Variants in NDUFAF6 observed in about 807,000 individuals in gnomAD.
The protein encoded by NDUFAF6 is NADH dehydrogenase (ubiquinone) complex I, assembly factor 6.
Under a neutral mutation model 40.8 loss-of-function variants are expected in NDUFAF6, and 45 were observed. The ratio of observed to expected loss-of-function variants is 1.10; its 90% CI spans 0.87 to 1.42. NDUFAF6 has a LOEUF of 1.42. Ranked by LOEUF, NDUFAF6 falls within the 40% of genes most tolerant of loss-of-function variation. The probability of loss-of-function intolerance (pLI) is 0.00; values close to 1 mark genes in which losing one functional copy is unlikely to be tolerated. For missense variants in NDUFAF6, 435 were observed against 418.5 expected (o/e 1.04, Z -0.34); for synonymous variants, 185 against 155.9 (o/e 1.19, Z -1.39).
At chr8:94,925,931 T>A (rs991634276) in intron 1 of NDUFAF6, 1 of 152,634 alleles carries the variant, frequency 6.6e-6, no homozygotes, top group Non-Finnish European at 1.5e-5. Context: ...GTACCTCCTT[T>A]TAATATTAAT....
At position 95,048,557 on chromosome 8, in the gene NDUFAF6, A is replaced by G. The variant is rs766008985; in HGVS notation, c.815A>G (p.His272Arg). Residue 272 changes from histidine to arginine, a missense_variant and splice_region_variant, in exon 7 of 9, where the codon CAT becomes CGT. Physicochemically the swap from His to Arg is conservative, Grantham distance 29. Coordinates refer to ENST00000396124, the MANE Select transcript of NDUFAF6 (RefSeq NM_152416.4). Reference protein sequence around the residue: ...IASQAHLHLKHARSFHKTVPV... With the variant: ...IASQAHLHLKRARSFHKTVPV... ...AGTCAAGCACACTTGCACCTAAAGC[A>G]TGTAAGTCGGCTTTTTTTTGCCAAA... 2 of 1,612,928 alleles carry G rather than the reference A, an allele frequency of 1.2e-6. No homozygotes were observed. Among genetic ancestry groups the G allele is most frequent in the South Asian group, 1.1e-5 (1 of 91,064 alleles).
intron 2 of NDUFAF6, chr8:94,984,126 A>G (rs961617154): frequency 6.6e-6 from 1 of 152,252 alleles, no homozygotes; most frequent in Non-Finnish European, 1.5e-5. Context: ...GTGCAGAAGC[A>G]GAAACCAGAG....
upstream of NDUFAF6, among the ~76,000 whole-genome samples, chr8:95,024,788 G>T (rs577204049): frequency 2.0e-5 from 3 of 152,348 alleles, no homozygotes; most frequent in East Asian, 5.8e-4. Flanking sequence ...GCCCAGGAGG[G>T]GTCGGACGGA....
rs144731528 is a variant in NDUFAF6, at chr8:94,973,316, AAAAAT to A, written c.-198-7527_-198-7523del. 7.2e-5 allele frequency among the ~76,000 whole-genome samples: 11 copies of A among 151,970 alleles called. No homozygotes were observed. The South Asian group carries it at 2.1e-3, about 29-fold the overall frequency. On this transcript the variant is annotated intron_variant, in intron 1 of 9. Transcript: ENST00000396111. The stretch of plus-strand genomic sequence containing the variant: ...GGTGACAGAGTGAGATTCTGTCTCA[AAAAAT>A]AAAATAAAATAAAATGAAAGAGACA...
chr8:94,983,441 C>T (rs1400794329), intron 2 of NDUFAF6, among the ~76,000 whole-genome samples: 1 of 151,614 alleles, frequency 6.6e-6, no homozygotes, highest in Non-Finnish European at 1.5e-5. Context: ...AATTTTTGTA[C>T]TTTTAGTAGA....
intron 1 of NDUFAF6, among the ~76,000 whole-genome samples, chr8:94,942,475 C>G (rs1200212543): frequency 6.6e-6 from 1 of 152,204 alleles, no homozygotes; most frequent in Non-Finnish European, 1.5e-5. Context: ...GTCTCTGAGA[C>G]TTTGCCAAAA....
chr8:95,063,197 T>G (rs1428855976), downstream of NDUFAF6, among the ~76,000 whole-genome samples: 2 of 152,258 alleles, frequency 1.3e-5, no homozygotes, highest in East Asian at 3.8e-4. Context: ...TTATCTACAA[T>G]GTTTCTAATT....
At chr8:95,100,848 C>T (rs1809626956) in intron 1 of NDUFAF6, among the ~76,000 whole-genome samples, 1 of 152,138 alleles carries the variant, frequency 6.6e-6, no homozygotes, top group Non-Finnish European at 1.5e-5. Context: ...GTTGGACAAA[C>T]CAAAGCTCAG....
chr8:94,931,664 AAAAGTTAATAT>A (rs1182703490), intron 1 of NDUFAF6, among the ~76,000 whole-genome samples: 1 of 152,088 alleles, frequency 6.6e-6, no homozygotes, highest in African/African-American at 2.4e-5. Flanking sequence ...ACTAATAGAA[AAAAGTTAATAT>A]AAAGAAAATT....
intron 1 of NDUFAF6, among the ~76,000 whole-genome samples, chr8:94,910,267 G>A (rs565721834): frequency 1.3e-5 from 2 of 152,058 alleles, no homozygotes; most frequent in East Asian, 1.9e-4. Context: ...ATTCTCATAC[G>A]TCAGCCTCCC....
intron 2 of NDUFAF6, chr8:94,949,140 C>T (rs949121356): frequency 1.3e-5 from 2 of 149,188 alleles, no homozygotes; most frequent in East Asian, 1.9e-4. Flanking sequence ...CGCCCGCCCC[C>T]CCCCGGCACT....
chr8:94,960,490 G>A (rs78088250), intron 1 of NDUFAF6, among the ~76,000 whole-genome samples: 19,924 of 152,176 alleles, frequency 0.13, 1,640 homozygotes, highest in Middle Eastern at 0.22. Flanking sequence ...TGGCTGTTGT[G>A]GAACTAATGA....
chr8:94,952,513 C>G (rs190773946), intron 2 of NDUFAF6, among the ~76,000 whole-genome samples: 115 of 152,282 alleles, frequency 7.6e-4, no homozygotes, highest in Admixed American at 4.1e-3. Flanking sequence ...TTTTAAATTG[C>G]ATTTTAGATA....
At chr8:94,922,348 C>A (rs562693598) in intron 1 of NDUFAF6, among the ~76,000 whole-genome samples, 6 of 152,032 alleles carry the variant, frequency 3.9e-5, no homozygotes, top group Admixed American at 6.5e-5. Flanking sequence ...AAATTGTGCA[C>A]ACTGAAGTTG....
At chr8:94,967,542 A>C (rs778126588) in intron 1 of NDUFAF6, among the ~76,000 whole-genome samples, 50 of 152,162 alleles carry the variant, frequency 3.3e-4, no homozygotes, top group Admixed American at 7.9e-4. Flanking sequence ...GAGGCTTAAA[A>C]CAGCAAGTAT....
chr8:95,056,634 C>T (rs775065427), intron 8 of NDUFAF6, among the ~76,000 whole-genome samples: 4 of 151,054 alleles, frequency 2.6e-5, no homozygotes, highest in Admixed American at 6.6e-5. Context: ...TGGCCGGGTG[C>T]GGTGGCTCAT....
intron 2 of NDUFAF6, among the ~76,000 whole-genome samples, chr8:95,033,514 T>G (rs1203792526): frequency 1.3e-5 from 2 of 152,222 alleles, no homozygotes; most frequent in African/African-American, 4.8e-5. Flanking sequence ...CTGTATTCAA[T>G]GCTATACCCA....
At chr8:94,910,855 T>C (rs1391897247) in intron 1 of NDUFAF6, among the ~76,000 whole-genome samples, 1 of 140,984 alleles carries the variant, frequency 7.1e-6, no homozygotes, top group Non-Finnish European at 1.5e-5. Flanking sequence ...AGGAAGTGTT[T>C]TAAAAAGTAT....
intron 2 of NDUFAF6, among the ~76,000 whole-genome samples, chr8:95,101,808 G>A (rs548752716): frequency 1.2e-3 from 186 of 151,826 alleles, no homozygotes; most frequent in Non-Finnish European, 2.2e-3. Flanking sequence ...CTCGAGTAAA[G>A]AAAAAAAATT....
Sources: allele counts gnomAD v4.1 joint callset (sites outside exome capture counted in the v4.1 genomes callset), GRCh38; gene constraint gnomAD v4.1.1; transcripts MANE v1.5; gene names NCBI Gene and HGNC (gene_info 2026-07-23, HGNC 2026-07-21).